The following WWOX variants were observed in gnomAD, a reference collection of about 807,000 sequenced individuals.
WWOX encodes WW domain-containing oxidoreductase.
A neutral mutation model predicts 46.2 loss-of-function variants in WWOX; 69 were observed. That is an observed-to-expected ratio of 1.49 (90% CI 1.23 to 1.82). The LOEUF is 1.82. Among genes scored for constraint, WWOX ranks in the 40% most tolerant of loss-of-function variants. The pLI is 0.00. For missense variants in WWOX, 919 were observed against 542.6 expected (o/e 1.69, Z -6.89); for synonymous variants, 359 against 202.6 (o/e 1.77, Z -6.56).
chr16:78,963,205 A>G (rs188186131), intron 8 of WWOX, among the ~76,000 whole-genome samples: 3 of 152,282 alleles, frequency 2.0e-5, no homozygotes, highest in African/African-American at 7.2e-5. Context: ...GCAGTGGCTC[A>G]CACCTGTAAT....
intron 5 of WWOX, among the ~76,000 whole-genome samples, chr16:78,330,521 C>T (rs951123682): frequency 3.9e-5 from 6 of 152,056 alleles, no homozygotes; most frequent in African/African-American, 1.4e-4. Flanking sequence ...CTCAGCCTCC[C>T]GAGTAGGTGA....
chr16:78,875,317 G>A (rs986933623), intron 8 of WWOX, among the ~76,000 whole-genome samples: 1 of 152,128 alleles, frequency 6.6e-6, no homozygotes, highest in Non-Finnish European at 1.5e-5. Flanking sequence ...TGATCTCAGT[G>A]GCAGCCATCT....
At chr16:78,880,264 A>C (rs1300323915) in intron 8 of WWOX, among the ~76,000 whole-genome samples, 1 of 152,200 alleles carries the variant, frequency 6.6e-6, no homozygotes, top group South Asian at 2.1e-4. Context: ...AGATGGAAAC[A>C]TCTAAAGGCT....
At chr16:78,129,841 C>G (rs966591001) in intron 4 of WWOX, among the ~76,000 whole-genome samples, 4 of 152,056 alleles carry the variant, frequency 2.6e-5, no homozygotes, top group Admixed American at 6.5e-5. Flanking sequence ...CCAAAAATTC[C>G]TATGTTGAAA....
At position 78,144,440 on chromosome 16, in the gene WWOX, TATATATACACATATATATATATACACAC is replaced by T. The variant is rs1415099562; in HGVS notation, c.410-19735_410-19708del. Among the ~76,000 whole-genome samples, 41 of 15,870 alleles carry T rather than the reference TATATATACACATATATATATATACACAC, an allele frequency of 2.6e-3. 6 individuals are homozygous for T. In the East Asian group the frequency reaches 0.061, roughly 24 times the overall value. The allele number at this position is 15,870 out of a possible 152,430, so 10.4% of individuals were successfully genotyped here. On this transcript the variant is annotated intron_variant, in intron 4 of 8. Coordinates refer to ENST00000566780, the MANE Select transcript of WWOX (RefSeq NM_016373.4). Reference sequence around the variant, plus strand: ...GGTTTTTGCCATTACTATATATATATATATATACACATATATATATATACACACATATATATATATATATATACACACA... The same window carrying T: ...GGTTTTTGCCATTACTATATATATATATATATATATATATATATACACACA...
At chr16:78,441,243 T>C (rs2083437878) in intron 8 of WWOX, among the ~76,000 whole-genome samples, 1 of 152,178 alleles carries the variant, frequency 6.6e-6, no homozygotes, top group Non-Finnish European at 1.5e-5. Flanking sequence ...ATTTAATGTC[T>C]GTCCCCCCTT....
chr16:78,436,724 G>C (rs1282872157), intron 8 of WWOX, among the ~76,000 whole-genome samples: 1 of 152,152 alleles, frequency 6.6e-6, no homozygotes, highest in African/African-American at 2.4e-5. Flanking sequence ...TCTGTATTTA[G>C]GAGAGGAATC....
chr16:78,738,515 A>G (rs114200553), intron 8 of WWOX, among the ~76,000 whole-genome samples: 176 of 152,250 alleles, frequency 1.2e-3, no homozygotes, highest in African/African-American at 4.0e-3. Flanking sequence ...GTATTGGCAT[A>G]TGTTAAAATA....
At chr16:78,427,184 G>A (rs1036235910) in intron 7 of WWOX, among the ~76,000 whole-genome samples, 1 of 152,126 alleles carries the variant, frequency 6.6e-6, no homozygotes, top group Admixed American at 6.6e-5. Context: ...AACCTTGGCA[G>A]AATCTCTTCG....
chr16:79,038,061 C>T (rs539266275), intron 8 of WWOX, among the ~76,000 whole-genome samples: 2 of 152,162 alleles, frequency 1.3e-5, no homozygotes, highest in East Asian at 1.9e-4. Flanking sequence ...AGCATTCTCT[C>T]GGCTTCCCTC....
At chr16:78,906,542 G>T (rs963189653) in intron 8 of WWOX, among the ~76,000 whole-genome samples, 1 of 152,066 alleles carries the variant, frequency 6.6e-6, no homozygotes, top group East Asian at 1.9e-4. Context: ...GGTAGTCCAC[G>T]GCTTCCAAAG....
chr16:78,344,114 C>T (rs1567513782), intron 5 of WWOX, among the ~76,000 whole-genome samples: 1 of 118,292 alleles, frequency 8.5e-6, no homozygotes, highest in South Asian at 2.6e-4. Flanking sequence ...ATCCTAAGGG[C>T]AGAGGGTGAA....
At chr16:78,528,931 C>G (rs1472008492) in intron 8 of WWOX, among the ~76,000 whole-genome samples, 3 of 148,490 alleles carry the variant, frequency 2.0e-5, no homozygotes, top group Admixed American at 6.6e-5. Flanking sequence ...TTTTTTCTTT[C>G]CTTTTTCTTT....
chr16:78,408,337 G>A (rs1031576495), intron 6 of WWOX, among the ~76,000 whole-genome samples: 7 of 152,130 alleles, frequency 4.6e-5, no homozygotes, highest in Non-Finnish European at 8.8e-5. Flanking sequence ...TAATTAGCAT[G>A]TACCCTCCAT....
intron 4 of WWOX, among the ~76,000 whole-genome samples, chr16:78,130,691 C>T (rs1325034119): frequency 6.6e-6 from 1 of 152,216 alleles, no homozygotes; most frequent in Non-Finnish European, 1.5e-5. Flanking sequence ...TGATATTGGA[C>T]TCACTGGCTC....
chr16:78,472,216 C>G (rs1200638364), intron 8 of WWOX, among the ~76,000 whole-genome samples: 1 of 152,110 alleles, frequency 6.6e-6, no homozygotes, highest in Non-Finnish European at 1.5e-5. Flanking sequence ...AAGGAACTGG[C>G]TGCATATTGC....
At chr16:78,859,803 A>G (rs2052674015) in intron 8 of WWOX, among the ~76,000 whole-genome samples, 1 of 150,988 alleles carries the variant, frequency 6.6e-6, no homozygotes, top group Non-Finnish European at 1.5e-5. Context: ...TTTAAGGAAG[A>G]AAATGAAGAG....
At chr16:78,338,165 T>G (rs2080936288) in intron 5 of WWOX, among the ~76,000 whole-genome samples, 1 of 106,522 alleles carries the variant, frequency 9.4e-6, no homozygotes, top group Admixed American at 8.8e-5. Flanking sequence ...ATTTATCACA[T>G]GGAAACAAAC....
intron 8 of WWOX, among the ~76,000 whole-genome samples, chr16:79,075,657 A>G (rs1324187335): frequency 6.6e-6 from 1 of 151,398 alleles, no homozygotes; most frequent in East Asian, 1.9e-4. Flanking sequence ...GGATCAAGTG[A>G]TTCTCCTGCC....
Sources: gnomAD v4.1 joint callset for allele counts (sites outside exome capture counted in the v4.1 genomes callset) on GRCh38, gnomAD v4.1.1 for gene constraint, MANE v1.5 for transcripts, NCBI Gene and HGNC (gene_info 2026-07-23, HGNC 2026-07-21) for gene names.